The following TMC1 variants were observed in gnomAD, a reference collection of about 807,000 sequenced individuals.
The protein encoded by TMC1 is transmembrane channel like 1.
Under a neutral mutation model 105.8 loss-of-function variants are expected in TMC1, and 84 were observed. That is an observed-to-expected ratio of 0.79 (90% confidence interval 0.67 to 0.95). The LOEUF (loss-of-function observed/expected upper bound fraction) is 0.95. Among genes scored for constraint, TMC1 ranks in the 40% least tolerant of loss-of-function variants. The pLI is 0.00. For synonymous variants in TMC1, 315 were observed against 311.5 expected (o/e 1.01, Z -0.12); for missense variants, 817 against 914.1 (o/e 0.89, Z 1.37).
intron 21 of TMC1, 94 bp downstream of exon 21, chr9:72,827,088 A>G: frequency 3.9e-6 from 6 of 1,534,738 alleles, no homozygotes; most frequent in Non-Finnish European, 4.5e-6. Context: ...ACTCTCCCTA[A>G]GGGTTCTGCT....
intron 3 of TMC1, among the ~76,000 whole-genome samples, chr9:72,618,180 C>T (rs1455097174): frequency 2.6e-5 from 4 of 151,734 alleles, no homozygotes; most frequent in Non-Finnish European, 4.4e-5. Flanking sequence ...AGGTGCCCAC[C>T]ACCACGCCCG....
intron 2 of TMC1, among the ~76,000 whole-genome samples, chr9:72,605,276 T>C (rs1381420889): frequency 6.6e-6 from 1 of 152,190 alleles, no homozygotes. Flanking sequence ...CAATTTATTA[T>C]TTCATAAATT....
At chr9:72,757,825 C>A (rs115857848) in intron 12 of TMC1, among the ~76,000 whole-genome samples, 254 of 152,172 alleles carry the variant, frequency 1.7e-3, no homozygotes, top group African/African-American at 5.9e-3. Context: ...TTCCTTATTA[C>A]AAGAACCATA....
At chr9:72,557,977 A>G (rs1408525106) in intron 1 of TMC1, among the ~76,000 whole-genome samples, 2 of 152,196 alleles carry the variant, frequency 1.3e-5, no homozygotes, top group African/African-American at 2.4e-5. Flanking sequence ...CCTGGGAGTC[A>G]ATTATTTTAA....
intron 8 of TMC1, among the ~76,000 whole-genome samples, chr9:72,704,755 A>G (rs1826706027): frequency 1.3e-5 from 2 of 152,298 alleles, no homozygotes; most frequent in South Asian, 4.1e-4. Context: ...CTACTGAATG[A>G]TAATCTCTTG....
At chr9:72,597,244 A>T (rs1240537399) in intron 2 of TMC1, among the ~76,000 whole-genome samples, 2 of 152,212 alleles carry the variant, frequency 1.3e-5, no homozygotes, top group Admixed American at 1.3e-4. Context: ...TCACTCACAG[A>T]AAGAAAGAAT....
At chr9:72,786,107 A>G (rs1284488983) in intron 13 of TMC1, among the ~76,000 whole-genome samples, 1 of 152,222 alleles carries the variant, frequency 6.6e-6, no homozygotes, top group Non-Finnish European at 1.5e-5. Flanking sequence ...ACCTCAGGGT[A>G]TAAATGGAGC....
chr9:72,639,472 A>G (rs1825589041), intron 4 of TMC1, among the ~76,000 whole-genome samples: 1 of 152,134 alleles, frequency 6.6e-6, no homozygotes, highest in Non-Finnish European at 1.5e-5. Flanking sequence ...TTAGAAACCT[A>G]ATTATTTCCT....
chr9:72,624,691 T>C (rs1168923055), intron 3 of TMC1, among the ~76,000 whole-genome samples: 4 of 152,202 alleles, frequency 2.6e-5, no homozygotes, highest in Non-Finnish European at 5.9e-5. Context: ...CTGAGCTGTT[T>C]CCTCCACTAC....
At chr9:72,781,854 C>G (rs777195367) in intron 13 of TMC1, among the ~76,000 whole-genome samples, 2 of 152,042 alleles carry the variant, frequency 1.3e-5, no homozygotes, top group Non-Finnish European at 2.9e-5. Context: ...CTGGACCAGA[C>G]AAATTCACAG....
intron 11 of TMC1, among the ~76,000 whole-genome samples, chr9:72,752,184 A>G (rs1334611971): frequency 6.6e-6 from 1 of 152,180 alleles, no homozygotes; most frequent in Non-Finnish European, 1.5e-5. Flanking sequence ...GTATAATTTC[A>G]CATGTATGTT....
At chr9:72,610,013 C>A (rs1344100975) in intron 2 of TMC1, among the ~76,000 whole-genome samples, 1 of 152,186 alleles carries the variant, frequency 6.6e-6, no homozygotes, top group Non-Finnish European at 1.5e-5. Flanking sequence ...TCTATTGACT[C>A]TACTGCTCAG....
chr9:72,580,718 AAAAC>A (rs1194025922), intron 2 of TMC1, among the ~76,000 whole-genome samples: 1 of 152,226 alleles, frequency 6.6e-6, no homozygotes, highest in East Asian at 1.9e-4. Flanking sequence ...TCCCAGACGA[AAAAC>A]AAACAAGCAA....
chr9:72,822,585 A>G (rs1225419998), intron 20 of TMC1, among the ~76,000 whole-genome samples: 1 of 151,170 alleles, frequency 6.6e-6, no homozygotes, highest in Non-Finnish European at 1.5e-5. Flanking sequence ...GAAATAAATA[A>G]TGCAGACAGT....
At chr9:72,571,781 G>A (rs2132090493) in intron 1 of TMC1, among the ~76,000 whole-genome samples, 1 of 151,112 alleles carries the variant, frequency 6.6e-6, no homozygotes, top group African/African-American at 2.4e-5. Flanking sequence ...TTTGCAATTT[G>A]CTTTCTTTAG....
chr9:72,773,250 T>G (rs1827959197), intron 13 of TMC1, among the ~76,000 whole-genome samples: 1 of 152,176 alleles, frequency 6.6e-6, no homozygotes, highest in Admixed American at 6.5e-5. Context: ...AGCCAATTTT[T>G]TTTGAACTAG....
intron 2 of TMC1, among the ~76,000 whole-genome samples, chr9:72,595,673 CTTTTT>C (rs71357596): frequency 5.6e-5 from 7 of 124,122 alleles, no homozygotes; most frequent in Admixed American, 8.4e-5. Flanking sequence ...CAACTCTCAA[CTTTTT>C]TTTTTTTTTT....
intron 5 of TMC1, among the ~76,000 whole-genome samples, chr9:72,654,624 A>G (rs972886194): frequency 1.3e-5 from 2 of 152,068 alleles, no homozygotes; most frequent in African/African-American, 4.8e-5. Context: ...TCAGTTCCCC[A>G]TCCTGTACTT....
chr9:72,641,844 G>A (rs1304664902), intron 4 of TMC1, among the ~76,000 whole-genome samples: 1 of 117,704 alleles, frequency 8.5e-6, no homozygotes, highest in South Asian at 2.6e-4. Context: ...TTGAGAGACA[G>A]TCTCGCTCTA....
Sources: allele counts gnomAD v4.1 joint callset (sites outside exome capture counted in the v4.1 genomes callset), GRCh38; gene constraint gnomAD v4.1.1; transcripts MANE v1.5; gene names NCBI Gene and HGNC (gene_info 2026-07-23, HGNC 2026-07-21).